The following NOL11 variants were observed in gnomAD, a reference collection of about 807,000 sequenced individuals.
The protein encoded by NOL11 is nucleolar protein 11.
Under a neutral mutation model 93.0 loss-of-function variants are expected in NOL11, and 42 were observed. That is an observed-to-expected ratio of 0.45 (90% CI 0.35 to 0.58). The LOEUF is 0.58. Ranked by LOEUF, NOL11 falls within the 20% of genes least tolerant of loss-of-function variation. The probability of loss-of-function intolerance (pLI) is 0.00; values close to 1 mark genes in which losing one functional copy is unlikely to be tolerated. For synonymous variants in NOL11, 296 were observed against 293.7 expected, an observed-to-expected ratio of 1.01 and a Z score of -0.08; for missense variants, 775 against 841.8, an observed-to-expected ratio of 0.92 and a Z score of 0.98.
Position 67,726,540 on chromosome 17 carries a change from C to T in NOL11, c.745C>T (p.Leu249=). 6.2e-7 allele frequency: 1 copy of T among 1,614,126 alleles called. No homozygotes were observed. Among genetic ancestry groups the T allele is most frequent in the African/African-American group, 1.3e-5 (1 of 75,054 alleles). Residue 249 remains leucine (L), a synonymous_variant, in exon 7 of 18, where the codon CTG becomes TTG. Coordinates refer to ENST00000253247, the MANE Select transcript of NOL11 (RefSeq NM_015462.5). ...AAAAAATCAGAGCTTAGTTAAATCACTGCTGCTCAAGGCTGTTGTATCTGG... is the reference window on the plus strand; with the variant it reads ...AAAAAATCAGAGCTTAGTTAAATCATTGCTGCTCAAGGCTGTTGTATCTGG... The part of the protein sequence containing the change: ...PEKNQSLVKS[L]LLKAVVSGNA...
chr17:67,737,238 C>A, intron 11 of NOL11, 93 bp downstream of exon 11: 3 of 816,636 alleles, frequency 3.7e-6, no homozygotes, highest in Non-Finnish European at 6.2e-6. Context: ...TTATGATCAT[C>A]TTTATACCTA....
intron 5 of NOL11, 63 bp downstream of exon 5, chr17:67,722,700 T>G: frequency 6.6e-7 from 1 of 1,515,142 alleles, no homozygotes; most frequent in Non-Finnish European, 8.8e-7. Context: ...AAAAATTTAT[T>G]TAGAGACAGG....
chr17:67,739,484 A>T, intron 15 of NOL11, 32 bp from the exon 16 acceptor site: 1 of 1,351,386 alleles, frequency 7.4e-7, no homozygotes, highest in Non-Finnish European at 1.0e-6. Context: ...TTCTATCAAA[A>T]TGATAAACTA....
intron 16 of NOL11, among the ~76,000 whole-genome samples, chr17:67,743,067 C>T (rs1353142343): frequency 6.6e-6 from 1 of 152,128 alleles, no homozygotes; most frequent in African/African-American, 2.4e-5. Flanking sequence ...AAGGCGAAAC[C>T]CCATCTCTAC....
rs759559059 is a variant in NOL11, at chr17:67,738,179, T to C, written c.1587T>C (p.Tyr529=). 3 of 1,613,144 alleles carry C rather than the reference T, an allele frequency of 1.9e-6. No homozygotes were observed. Among genetic ancestry groups the C allele is most frequent in the Admixed American group, 1.7e-5 (1 of 59,992 alleles). The change falls in exon 14 of 18, where the codon TAT becomes TAC. Residue 529 remains tyrosine, a synonymous_variant. Coordinates refer to ENST00000253247, the MANE Select transcript of NOL11 (RefSeq NM_015462.5). ...TTAATATGGAGTCAGTTTTTGACTA[T>C]AGTATAAATTCTGTACATGATGAGA... ...TDVNMESVFD[Y]SINSVHDEKM...
chr17:67,741,604 C>T (rs186820845), intron 16 of NOL11, among the ~76,000 whole-genome samples: 3 of 152,044 alleles, frequency 2.0e-5, no homozygotes, highest in African/African-American at 7.2e-5. Flanking sequence ...CAGAGCCTTG[C>T]CCTGTCACCC....
chr17:67,729,782 T>C (rs543590397), intron 7 of NOL11, among the ~76,000 whole-genome samples: 1 of 151,830 alleles, frequency 6.6e-6, no homozygotes, highest in African/African-American at 2.4e-5. Context: ...GGTTTCACCT[T>C]GTTAGCCAGG....
intron 7 of NOL11, among the ~76,000 whole-genome samples, chr17:67,727,657 C>CAA (rs1296534362): frequency 7.2e-6 from 1 of 139,704 alleles, no homozygotes; most frequent in African/African-American, 2.6e-5. Flanking sequence ...AACTCCGTCT[C>CAA]AAAAAAAAAA....
intron 5 of NOL11, among the ~76,000 whole-genome samples, chr17:67,723,111 C>T (rs1171840231): frequency 1.3e-5 from 2 of 149,716 alleles, no homozygotes; most frequent in Non-Finnish European, 2.9e-5. Context: ...CTCCCGGGTT[C>T]AAGTGATTCT....
chr17:67,722,135 C>G (rs2043221611), intron 4 of NOL11, among the ~76,000 whole-genome samples: 1 of 152,206 alleles, frequency 6.6e-6, no homozygotes, highest in Admixed American at 6.5e-5. Context: ...GTGTGAGCAA[C>G]TGTTGTGAGG....
At chr17:67,740,954 C>T (rs1403330061) in intron 16 of NOL11, among the ~76,000 whole-genome samples, 1 of 152,104 alleles carries the variant, frequency 6.6e-6, no homozygotes, top group Non-Finnish European at 1.5e-5. Flanking sequence ...CACTGGAGTG[C>T]AGTGGGAATC....
In NOL11 at chr17:67,736,937, A is replaced by G. The variant is rs905319993; in HGVS notation, c.1144-134A>G. On this transcript the variant is annotated intron_variant, in intron 10 of 17. Coordinates refer to ENST00000253247, the MANE Select transcript of NOL11 (RefSeq NM_015462.5). ...CCAGAAATGCCCCATGTTGTCTATT[A>G]GTTATATTTACTTTTAAAAGTTTTT... The G allele has an allele frequency of 3.1e-5, 23 of 733,108 alleles. No homozygotes were observed. In the African/African-American group the frequency reaches 4.1e-4, roughly 13 times the overall value. The allele number at this position is 733,108 out of a possible 1,614,324, so 45.4% of individuals were successfully genotyped here.
intron 7 of NOL11, among the ~76,000 whole-genome samples, chr17:67,730,249 GTTTT>G (rs869260365): frequency 6.6e-6 from 1 of 151,618 alleles, no homozygotes; most frequent in Non-Finnish European, 1.5e-5. Context: ...TTTTTTTGTT[GTTTT>G]TTGTTTGTTT....
chr17:67,720,218 T>C (rs1169994658), intron 3 of NOL11: 2 of 277,178 alleles, frequency 7.2e-6, no homozygotes, highest in African/African-American at 4.4e-5. Context: ...GTGTGTCTTT[T>C]GTGAGAGCAA....
intron 6 of NOL11, among the ~76,000 whole-genome samples, chr17:67,725,346 T>G (rs2055081838): frequency 6.6e-6 from 1 of 152,124 alleles, no homozygotes; most frequent in Admixed American, 6.6e-5. Context: ...TTGTAATACC[T>G]TTATGAAATG....
rs1599048710 is a variant in NOL11 at position 67,739,506 on chromosome 17, TCCCACCCAGC to T, written c.1843-9_1843del. ...AAAATGATAAACTATCCATTTTTTT[TCCCACCCAGC>T]TGTTTCTTAAGTATTTGTATTTCCT... On this transcript the variant is annotated splice_acceptor_variant and splice_polypyrimidine_tract_variant and coding_sequence_variant and intron_variant, in exon 16 of 18. Coordinates refer to ENST00000253247, the MANE Select transcript of NOL11 (RefSeq NM_015462.5). LOFTEE classifies it high-confidence loss of function. 2 of 1,531,906 alleles carry T rather than the reference TCCCACCCAGC, an allele frequency of 1.3e-6. No individual in the cohort carries two copies. Among genetic ancestry groups the T allele is most frequent in the Non-Finnish European group, 1.8e-6 (2 of 1,132,338 alleles). 94.9% of individuals were successfully genotyped at this position (1,531,906 alleles called of 1,614,324 possible).
chr17:67,733,993 C>A (rs983063916), intron 7 of NOL11, among the ~76,000 whole-genome samples: 1 of 152,046 alleles, frequency 6.6e-6, no homozygotes, highest in Non-Finnish European at 1.5e-5. Context: ...TCAGAGCAAC[C>A]AAAAGCCCAA....
At chr17:67,735,240 A>G (rs1283488328) in intron 8 of NOL11, among the ~76,000 whole-genome samples, 1 of 152,220 alleles carries the variant, frequency 6.6e-6, no homozygotes, top group Non-Finnish European at 1.5e-5. Flanking sequence ...TTAGTGAATG[A>G]ATATTCATAT....
chr17:67,737,839 TG>T lies in NOL11; in HGVS notation c.1404-7del, dbSNP rs776673179. The T allele has an allele frequency of 3.1e-6, 5 of 1,603,348 alleles. No homozygotes were observed. The South Asian group carries it at 5.6e-5, about 18-fold the overall frequency. On this transcript the variant is annotated splice_polypyrimidine_tract_variant and splice_region_variant and intron_variant, in intron 12 of 17. Coordinates refer to ENST00000253247, the MANE Select transcript of NOL11 (RefSeq NM_015462.5). ...TATGTAATAGTGATTCAGATTTTTT[TG>T]TCTTAGTTTGTGCCCCGACTTAATG...
Sources: allele counts gnomAD v4.1 joint callset (sites outside exome capture counted in the v4.1 genomes callset), GRCh38; gene constraint gnomAD v4.1.1; transcripts MANE v1.5; gene names NCBI Gene and HGNC (gene_info 2026-07-23, HGNC 2026-07-21).